Variants in GAB2 observed in about 807,000 individuals in gnomAD.
GAB2 encodes the protein GRB2 associated binding protein 2, also known as GRB2-associated-binding protein 2.
In GAB2, 26 loss-of-function variants were observed where a neutral mutation model predicts 65.5. That is an observed-to-expected ratio of 0.40 (90% CI 0.29 to 0.55). The LOEUF (loss-of-function observed/expected upper bound fraction) is 0.55. GAB2 is among the 20% of genes least tolerant of loss of function. GAB2 has a pLI of 0.53. For synonymous variants in GAB2, 321 were observed against 329.6 expected (o/e 0.97, Z 0.28); for missense variants, 884 against 875.8 (o/e 1.01, Z -0.12).
chr11:78,240,139 C>T (rs1381337297), intron 3 of GAB2, among the ~76,000 whole-genome samples: 1 of 152,130 alleles, frequency 6.6e-6, no homozygotes, highest in Non-Finnish European at 1.5e-5. Context: ...ACAGTCATGC[C>T]TCCACAGTGC....
rs115544610 is a variant in GAB2, at chr11:78,240,787, G to C, written c.620+9370C>G. Among the ~76,000 whole-genome samples, 1,184 of 152,154 alleles carry C rather than the reference G, an allele frequency of 7.8e-3. 14 individuals are homozygous for C. The highest frequency in any genetic ancestry group is 0.027 in the African/African-American group (1,122 of 41,464). On this transcript the variant is annotated intron_variant, in intron 3 of 9. Coordinates refer to ENST00000361507, the MANE Select transcript of GAB2 (RefSeq NM_080491.3). Reference sequence around the variant, plus strand: ...CCAGTGCTGTGCTCTGCCTACCAGGGGTAGAATCACAGCTGGCCCCTGACC... The same window carrying C: ...CCAGTGCTGTGCTCTGCCTACCAGGCGTAGAATCACAGCTGGCCCCTGACC...
intron 2 of GAB2, among the ~76,000 whole-genome samples, chr11:78,276,753 A>C (rs1866181605): frequency 6.6e-6 from 1 of 152,210 alleles, no homozygotes; most frequent in African/African-American, 2.4e-5. Flanking sequence ...ATTGTACTGA[A>C]GTCCTATACA....
At chr11:78,359,373 T>TATCA (rs1856403430) in intron 1 of GAB2, among the ~76,000 whole-genome samples, 1 of 152,192 alleles carries the variant, frequency 6.6e-6, no homozygotes, top group African/African-American at 2.4e-5. Flanking sequence ...GCAATTAGAC[T>TATCA]ATCAGCTAAC....
intron 1 of GAB2, among the ~76,000 whole-genome samples, chr11:78,283,019 T>C (rs1276253356): frequency 6.6e-6 from 1 of 152,232 alleles, no homozygotes; most frequent in Non-Finnish European, 1.5e-5. Context: ...GAGAAAATCA[T>C]ATGACCATGC....
At chr11:78,220,711 G>A (rs946002300) in intron 8 of GAB2, among the ~76,000 whole-genome samples, 1 of 152,174 alleles carries the variant, frequency 6.6e-6, no homozygotes, top group Non-Finnish European at 1.5e-5. Context: ...CTGCACAGCT[G>A]TTGAGTGATG....
intron 1 of GAB2, among the ~76,000 whole-genome samples, chr11:78,387,817 C>T (rs1856787426): frequency 6.6e-6 from 1 of 152,136 alleles, no homozygotes; most frequent in Admixed American, 6.6e-5. Flanking sequence ...TATGGAGACA[C>T]CAACCAGGCA....
intron 2 of GAB2, among the ~76,000 whole-genome samples, chr11:78,274,180 G>T (rs888686333): frequency 2.6e-5 from 4 of 152,150 alleles, no homozygotes; most frequent in African/African-American, 4.8e-5. Flanking sequence ...AGGCTGAGGT[G>T]GGAGGATCAC....
intron 1 of GAB2, among the ~76,000 whole-genome samples, chr11:78,367,070 T>C (rs1856507055): frequency 6.6e-6 from 1 of 152,190 alleles, no homozygotes; most frequent in South Asian, 2.1e-4. Flanking sequence ...TACTAAGGTA[T>C]ATTCCTGAGC....
At chr11:78,286,411 G>A (rs192071689) in intron 1 of GAB2, among the ~76,000 whole-genome samples, 85 of 151,938 alleles carry the variant, frequency 5.6e-4, no homozygotes, top group African/African-American at 2.0e-3. Flanking sequence ...CTTACCCCAC[G>A]CTGGCATTTC....
intron 3 of GAB2, among the ~76,000 whole-genome samples, chr11:78,231,645 G>T (rs1489130754): frequency 2.0e-5 from 3 of 152,158 alleles, no homozygotes; most frequent in Non-Finnish European, 4.4e-5. Flanking sequence ...ACTGTGCCCG[G>T]CCTTCCCTTG....
chr11:78,390,280 C>A (rs1204220165), intron 1 of GAB2, among the ~76,000 whole-genome samples: 1 of 152,222 alleles, frequency 6.6e-6, no homozygotes. Flanking sequence ...CAAAGGATTT[C>A]TCACTAGGTC....
intron 1 of GAB2, among the ~76,000 whole-genome samples, chr11:78,333,278 T>G (rs763982540): frequency 2.2e-4 from 34 of 152,190 alleles, no homozygotes; most frequent in Non-Finnish European, 4.3e-4. Flanking sequence ...TTATTTTTTA[T>G]TTTTAGAGAA....
chr11:78,344,458 AAG>A (rs1363704178), intron 1 of GAB2, among the ~76,000 whole-genome samples: 1 of 152,238 alleles, frequency 6.6e-6, no homozygotes, highest in Non-Finnish European at 1.5e-5. Context: ...AAGTGACGGA[AAG>A]AGAATCTATT....
chr11:78,288,023 T>C (rs1324335500), intron 1 of GAB2, among the ~76,000 whole-genome samples: 1 of 146,838 alleles, frequency 6.8e-6, no homozygotes, highest in African/African-American at 2.6e-5. Flanking sequence ...ATATAAAAGG[T>C]ATACTGATTG....
chr11:78,385,261 T>C (rs1254093742), intron 1 of GAB2, among the ~76,000 whole-genome samples: 2 of 152,230 alleles, frequency 1.3e-5, no homozygotes, highest in Admixed American at 1.3e-4. Flanking sequence ...CCAAAACTTA[T>C]GGATCTTCAC....
chr11:78,234,081 T>A (rs1314524344), intron 3 of GAB2, among the ~76,000 whole-genome samples: 1 of 152,186 alleles, frequency 6.6e-6, no homozygotes, highest in East Asian at 1.9e-4. Context: ...GAAGTTTCTT[T>A]TCTTTTCTTT....
At chr11:78,250,661 A>G (rs1225235077) in intron 2 of GAB2, among the ~76,000 whole-genome samples, 2 of 152,060 alleles carry the variant, frequency 1.3e-5, no homozygotes, top group Non-Finnish European at 2.9e-5. Context: ...CCCCACTTCC[A>G]GGAAGTACGG....
intron 2 of GAB2, among the ~76,000 whole-genome samples, chr11:78,279,993 A>T (rs113538313): frequency 0.028 from 4,203 of 152,254 alleles, 150 homozygotes; most frequent in African/African-American, 0.088. Context: ...GCCTAAACAA[A>T]TGTTAAGGAG....
intron 1 of GAB2, among the ~76,000 whole-genome samples, chr11:78,332,693 G>A (rs1454336899): frequency 6.6e-6 from 1 of 152,214 alleles, no homozygotes; most frequent in Admixed American, 6.5e-5. Context: ...GCATATGTGA[G>A]TAATGACAAA....
Sources: gnomAD v4.1 joint callset for allele counts (sites outside exome capture counted in the v4.1 genomes callset) on GRCh38, gnomAD v4.1.1 for gene constraint, MANE v1.5 for transcripts, NCBI Gene and HGNC (gene_info 2026-07-23, HGNC 2026-07-21) for gene names.